PCDHA2: variants seen among roughly 807,000 people sequenced by gnomAD.
The protein encoded by PCDHA2 is protocadherin alpha-2.
In PCDHA2, 58 loss-of-function variants were observed where a neutral mutation model predicts 66.0. The ratio of observed to expected loss-of-function variants is 0.88; its 90% CI spans 0.71 to 1.09. The LOEUF (loss-of-function observed/expected upper bound fraction) is 1.09, where lower values mean the gene tolerates loss of function less well. Ranked by LOEUF, PCDHA2 falls within the 50% of genes least tolerant of loss-of-function variation. The pLI is 0.00. For missense variants in PCDHA2, 1,267 were observed against 1,242.3 expected (o/e 1.02, Z -0.30); for synonymous variants, 634 against 554.0 (o/e 1.14, Z -2.03).
intron 1 of PCDHA2, chr5:140,836,073 G>A: frequency 1.2e-6 from 2 of 1,613,652 alleles, no homozygotes; most frequent in Non-Finnish European, 1.7e-6. Context: ...CAACGCGCCG[G>A]CACTGCTGGC....
chr5:140,877,964 T>C lies in PCDHA2; in HGVS notation c.2388+80612T>C, dbSNP rs1582419472. On this transcript the variant is annotated intron_variant, in intron 1 of 3. Coordinates refer to ENST00000526136, the MANE Select transcript of PCDHA2 (RefSeq NM_018905.3). ...AAACTATCGAATGTCTCATCTTTCTTGGTCATTCTTACTCATTTTGAACTT... is the reference window on the plus strand; with the variant it reads ...AAACTATCGAATGTCTCATCTTTCTCGGTCATTCTTACTCATTTTGAACTT... 3 of 1,310,338 alleles carry C rather than the reference T, an allele frequency of 2.3e-6. No individual in the cohort carries two copies. The East Asian group carries it at 7.9e-5, about 34-fold the overall frequency. 81.2% of individuals were successfully genotyped at this position (1,310,338 alleles called of 1,614,324 possible). A position where few individuals can be genotyped will look rare whatever the true frequency, so the allele number is the denominator to read the frequency against.
Position 140,845,869 on chromosome 5 carries a change from C to T in PCDHA2, c.2388+48517C>T, listed in dbSNP as rs1190017155. On this transcript the variant is annotated intron_variant, in intron 1 of 3. Transcript: ENST00000526136. ...AAAGAAGTTAGTGATTGCAGAAAGG[C>T]AACCTAAAATGTCAGAAAGTCGTTA... is the stretch of plus-strand genomic sequence containing the variant. Among the ~76,000 whole-genome samples the T allele has an allele frequency of 2.0e-5, 3 of 149,586 alleles. 1 individual carries two copies. Among genetic ancestry groups the T allele is most frequent in the Non-Finnish European group, 4.5e-5 (3 of 66,866 alleles).
At chr5:140,979,120 T>A in intron 2 of PCDHA2, 113 bp downstream of exon 2, 1 of 1,497,648 alleles carries the variant, frequency 6.7e-7, no homozygotes, top group Non-Finnish European at 8.9e-7. Flanking sequence ...CTTTAGGTAC[T>A]TTGCCAGGAA....
intron 1 of PCDHA2, among the ~76,000 whole-genome samples, chr5:140,914,155 A>G (rs1432406316): frequency 6.6e-6 from 1 of 152,188 alleles, no homozygotes; most frequent in Admixed American, 6.5e-5. Flanking sequence ...GTTCTGTCCA[A>G]TACGGAAAGT....
intron 1 of PCDHA2, among the ~76,000 whole-genome samples, chr5:140,909,682 A>G (rs1172515528): frequency 1.3e-5 from 2 of 152,132 alleles, no homozygotes; most frequent in Non-Finnish European, 2.9e-5. Flanking sequence ...CAGGGAGCCA[A>G]TGTGGGGGTT....
At chr5:140,929,316 C>G in intron 1 of PCDHA2, 1 of 1,556,954 alleles carries the variant, frequency 6.4e-7, no homozygotes, top group Non-Finnish European at 8.7e-7. Flanking sequence ...ACGCTAATGT[C>G]AATGCCATGG....
intron 3 of PCDHA2, among the ~76,000 whole-genome samples, chr5:140,985,689 C>A (rs1237077456): frequency 6.6e-6 from 1 of 151,906 alleles, no homozygotes; most frequent in African/African-American, 2.4e-5. Flanking sequence ...TTACGCTAAT[C>A]CTCGTTCATA....
At position 140,843,422 on chromosome 5, in the gene PCDHA2, A is replaced by T. The variant is rs2150359586; in HGVS notation, c.2388+46070A>T. The T allele has an allele frequency of 9.4e-6, 15 of 1,595,774 alleles. 3 individuals are homozygous for T. Among genetic ancestry groups the T allele is most frequent in the Admixed American group, 5.1e-5 (3 of 59,266 alleles). The stretch of plus-strand genomic sequence containing the variant: ...GCTGGTGGATGTCAACGTGTACCTG[A>T]TCATCGCCATCTGCGCGGTATCCAG... On this transcript the variant is annotated intron_variant, in intron 1 of 3. Transcript: ENST00000526136.
At chr5:140,872,544 C>T (rs912822292) in intron 1 of PCDHA2, among the ~76,000 whole-genome samples, 1 of 152,126 alleles carries the variant, frequency 6.6e-6, no homozygotes, top group Admixed American at 6.5e-5. Context: ...AGAGGATCCC[C>T]TGAACCCAGG....
chr5:140,867,114 G>T (rs567577345), intron 1 of PCDHA2: 1 of 152,168 alleles, frequency 6.6e-6, no homozygotes, highest in Admixed American at 6.5e-5. Context: ...TTAACATATT[G>T]TTTTAATTCA....
chr5:140,914,262 G>A (rs1583899691), intron 1 of PCDHA2, among the ~76,000 whole-genome samples: 1 of 152,008 alleles, frequency 6.6e-6, no homozygotes, highest in Non-Finnish European at 1.5e-5. Flanking sequence ...CTTCAATGGT[G>A]GGTGCATATA....
intron 1 of PCDHA2, chr5:140,803,910 C>G: frequency 2.0e-6 from 1 of 508,782 alleles, no homozygotes; most frequent in South Asian, 2.5e-5. Flanking sequence ...GAGAATCTGA[C>G]TTCGACTTGT....
At chr5:140,836,233 G>A in intron 1 of PCDHA2, 5 of 1,613,764 alleles carry the variant, frequency 3.1e-6, no homozygotes, top group Non-Finnish European at 4.2e-6. Flanking sequence ...GTGGCGGCCG[G>A]TGCGAGCATC....
chr5:140,937,326 C>T (rs1287239556), intron 1 of PCDHA2, among the ~76,000 whole-genome samples: 1 of 152,164 alleles, frequency 6.6e-6, no homozygotes, highest in South Asian at 2.1e-4. Context: ...CGTGAGCCAC[C>T]GCGCCCGGCT....
At chr5:140,909,327 G>A (rs2074440684) in intron 1 of PCDHA2, among the ~76,000 whole-genome samples, 1 of 152,216 alleles carries the variant, frequency 6.6e-6, no homozygotes. Context: ...CCAAATCAAT[G>A]GTTGCATACC....
At chr5:140,916,641 G>T (rs781877597) in intron 1 of PCDHA2, among the ~76,000 whole-genome samples, 2 of 152,150 alleles carry the variant, frequency 1.3e-5, no homozygotes, top group African/African-American at 2.4e-5. Context: ...TCCTACTGTG[G>T]CTGAGCTGGT....
intron 1 of PCDHA2, chr5:140,853,906 C>T (rs2042902737): frequency 2.1e-6 from 2 of 955,058 alleles, no homozygotes; most frequent in African/African-American, 1.8e-5. Flanking sequence ...GGTGGCCTGA[C>T]ACCTGCAATC....
At chr5:140,979,571 G>A (rs2096856939) in intron 2 of PCDHA2, among the ~76,000 whole-genome samples, 1 of 152,154 alleles carries the variant, frequency 6.6e-6, no homozygotes. Flanking sequence ...GCCATGTAAA[G>A]GGCTCCAAAT....
At chr5:140,934,901 T>C (rs1270837168) in intron 1 of PCDHA2, among the ~76,000 whole-genome samples, 1 of 152,192 alleles carries the variant, frequency 6.6e-6, no homozygotes, top group African/African-American at 2.4e-5. Flanking sequence ...CCTTTTATTT[T>C]GGAATAATTA....
Sources: gnomAD v4.1 joint callset for allele counts (sites outside exome capture counted in the v4.1 genomes callset) on GRCh38, gnomAD v4.1.1 for gene constraint, MANE v1.5 for transcripts, NCBI Gene and HGNC (gene_info 2026-07-23, HGNC 2026-07-21) for gene names.